The following ANOS1 variants were observed in gnomAD, a reference collection of about 807,000 sequenced individuals.
ANOS1 encodes the protein anosmin-1.
A neutral mutation model predicts 59.0 loss-of-function variants in ANOS1; 6 were observed. That is an observed-to-expected ratio of 0.10 (90% CI 0.06 to 0.20). The LOEUF (loss-of-function observed/expected upper bound fraction) is 0.20, where lower values mean the gene tolerates loss of function less well. Ranked by LOEUF, ANOS1 falls within the 10% of genes least tolerant of loss-of-function variation. The probability of loss-of-function intolerance (pLI) is 1.00; values close to 1 mark genes in which losing one functional copy is unlikely to be tolerated. For synonymous variants in ANOS1, 217 were observed against 223.4 expected, an observed-to-expected ratio of 0.97 and a Z score of 0.25; for missense variants, 433 against 542.3, an observed-to-expected ratio of 0.80 and a Z score of 2.00.
Position 8,553,443 on chromosome X carries a change from T to C in ANOS1, c.1354+509A>G, listed in dbSNP as rs185629209. On this transcript the variant is annotated intron_variant, in intron 9 of 13. Coordinates refer to ENST00000262648, the MANE Select transcript of ANOS1 (RefSeq NM_000216.4). ...CATGACAATATAGCAGCTCAAACAA[T>C]GTTACACAGAAATATGTGTGTATGT... Among the ~76,000 whole-genome samples, 1,006 of 110,904 alleles carry C rather than the reference T, an allele frequency of 9.1e-3. 32 individuals are homozygous for C. Among genetic ancestry groups the C allele is most frequent in the Admixed American group, 0.08 (831 of 10,338 alleles).
intron 11 of ANOS1, among the ~76,000 whole-genome samples, chrX:8,536,195 T>TG: frequency 1.5e-5 from 1 of 67,713 alleles, no homozygotes; most frequent in Admixed American, 1.5e-4. Flanking sequence ...AAGCTTTTTT[T>TG]TTTTTTTTTT....
chrX:8,534,768 G>A (rs965367197), intron 12 of ANOS1, among the ~76,000 whole-genome samples: 4 of 111,121 alleles, frequency 3.6e-5, no homozygotes, highest in African/African-American at 1.3e-4. Context: ...ATTCCTTAAC[G>A]TAAAACTTTC....
chrX:8,545,258 CA>C (rs1178222498), intron 9 of ANOS1, among the ~76,000 whole-genome samples: 98 of 28,533 alleles, frequency 3.4e-3, no homozygotes, highest in South Asian at 6.7e-3. Context: ...GTCTCTATGA[CA>C]AAAAAAAAAA....
intron 2 of ANOS1, among the ~76,000 whole-genome samples, chrX:8,660,904 C>T (rs1234534878): frequency 1.8e-5 from 2 of 111,940 alleles, no homozygotes; most frequent in African/African-American, 6.5e-5. Flanking sequence ...TTAAGTAACA[C>T]ACTACACATT....
intron 3 of ANOS1, among the ~76,000 whole-genome samples, chrX:8,601,925 G>A (rs1488380631): frequency 1.8e-5 from 2 of 111,975 alleles, no homozygotes; most frequent in Non-Finnish European, 3.8e-5. Context: ...AAAGACAGAA[G>A]GAAGTCTGTA....
rs868262486 is a variant in ANOS1, at chrX:8,659,535, C to T, written c.256-35865G>A. Among the ~76,000 whole-genome samples the T allele has an allele frequency of 4.7e-3, 418 of 89,817 alleles. 1 individual carries two copies. Among genetic ancestry groups the T allele is most frequent in the African/African-American group, 0.022 (405 of 18,424 alleles). The allele number at this position is 89,817 out of a possible 115,157, so 78.0% of individuals were successfully genotyped here. Reference sequence around the variant, plus strand: ...CTTGCTTGCTTTTCTTTCTTTCTTTCTCTTTCCTTCCTTCCTTCCTTCCTT... The same window carrying T: ...CTTGCTTGCTTTTCTTTCTTTCTTTTTCTTTCCTTCCTTCCTTCCTTCCTT... On this transcript the variant is annotated intron_variant, in intron 2 of 13. Transcript: ENST00000262648.
At chrX:8,609,730 G>A (rs1161964177) in intron 3 of ANOS1, among the ~76,000 whole-genome samples, 3 of 110,406 alleles carry the variant, frequency 2.7e-5, no homozygotes, top group South Asian at 3.9e-4. Flanking sequence ...TCTTTAGGTC[G>A]GGCATGGTGG....
chrX:8,535,173 G>T (rs1368259014), intron 12 of ANOS1: 2 of 124,608 alleles, frequency 1.6e-5, no homozygotes, highest in Non-Finnish European at 3.1e-5. Context: ...TTACAGCCTC[G>T]AGCCAAATTT....
chrX:8,580,731 C>T (rs1930406550), intron 6 of ANOS1, among the ~76,000 whole-genome samples: 1 of 111,576 alleles, frequency 9.0e-6, no homozygotes, highest in Non-Finnish European at 1.9e-5. Flanking sequence ...CTAACTGGAA[C>T]TCATTTTACC....
At chrX:8,644,220 TA>T (rs1457730467) in intron 2 of ANOS1, among the ~76,000 whole-genome samples, 1 of 111,337 alleles carries the variant, frequency 9.0e-6, no homozygotes, top group Non-Finnish European at 1.9e-5. Context: ...AAAGTAAAAA[TA>T]AAGTAATAAA....
chrX:8,661,165 G>A (rs1390756989), intron 2 of ANOS1, among the ~76,000 whole-genome samples: 1 of 108,695 alleles, frequency 9.2e-6, no homozygotes, highest in Non-Finnish European at 1.9e-5. Flanking sequence ...CCCTCTGTGT[G>A]TGTCTATGTC....
intron 1 of ANOS1, among the ~76,000 whole-genome samples, chrX:8,730,876 T>C (rs1056120565): frequency 8.9e-6 from 1 of 112,593 alleles, no homozygotes; most frequent in African/African-American, 3.2e-5. Context: ...CTGCACTCGC[T>C]CGCGCTGAGT....
chrX:8,677,545 C>T (rs1452845877), intron 2 of ANOS1, among the ~76,000 whole-genome samples: 1 of 111,653 alleles, frequency 9.0e-6, no homozygotes, highest in Non-Finnish European at 1.9e-5. Context: ...TGTATCAGAA[C>T]ATCTCATGTA....
chrX:8,556,940 AC>A (rs1220782808), intron 8 of ANOS1, among the ~76,000 whole-genome samples: 1 of 112,080 alleles, frequency 8.9e-6, no homozygotes, highest in South Asian at 3.7e-4. Context: ...CTACAAGGCT[AC>A]AGTAACCAAC....
At chrX:8,722,786 C>T (rs1045950415) in intron 1 of ANOS1, among the ~76,000 whole-genome samples, 1 of 112,365 alleles carries the variant, frequency 8.9e-6, no homozygotes, top group African/African-American at 3.2e-5. Flanking sequence ...TTTAAGGAAC[C>T]TCCACACTGT....
intron 8 of ANOS1, among the ~76,000 whole-genome samples, chrX:8,561,951 T>C (rs1930039711): frequency 9.0e-6 from 1 of 111,039 alleles, no homozygotes; most frequent in Non-Finnish European, 1.9e-5. Context: ...TTTTTTTGTT[T>C]TTTAAACAGA....
Position 8,673,002 on chromosome X carries a change from T to G in ANOS1, c.255+26696A>C, listed in dbSNP as rs184763732. On this transcript the variant is annotated intron_variant, in intron 2 of 13. Coordinates refer to ENST00000262648, the MANE Select transcript of ANOS1 (RefSeq NM_000216.4). ...GCCATCTAATATTGGGCATCATCAA[T>G]GTACTTTCAACTTTATGTCCGCACA... Among the ~76,000 whole-genome samples, 997 of 111,848 alleles carry G rather than the reference T, an allele frequency of 8.9e-3. 3 individuals carry two copies. The highest frequency in any genetic ancestry group is 0.014 in the Non-Finnish European group (740 of 53,145).
intron 2 of ANOS1, among the ~76,000 whole-genome samples, chrX:8,654,458 TCAC>T (rs970686871): frequency 8.9e-6 from 1 of 112,515 alleles, no homozygotes. Flanking sequence ...TGCTAAAAAT[TCAC>T]CACCATGGGA....
At chrX:8,643,756 C>T (rs1487728634) in intron 2 of ANOS1, among the ~76,000 whole-genome samples, 2 of 111,804 alleles carry the variant, frequency 1.8e-5, no homozygotes, top group African/African-American at 6.5e-5. Flanking sequence ...ACAGCAGCCA[C>T]TGTGAGACTT....
Sources: allele counts gnomAD v4.1 joint callset (sites outside exome capture counted in the v4.1 genomes callset), GRCh38; gene constraint gnomAD v4.1.1; transcripts MANE v1.5; gene names NCBI Gene and HGNC (gene_info 2026-07-23, HGNC 2026-07-21).